The following GABRA4 variants were observed in gnomAD, a reference collection of about 807,000 sequenced individuals.
GABRA4 encodes the protein gamma-aminobutyric acid type A receptor subunit alpha4.
GABRA4 carries 12 observed loss-of-function variants against 49.7 expected under a neutral mutation model. The observed-to-expected ratio is 0.24, with a 90% CI of 0.15 to 0.39. The LOEUF (loss-of-function observed/expected upper bound fraction) is 0.39. Ranked by LOEUF, GABRA4 falls within the 10% of genes least tolerant of loss-of-function variation. GABRA4 has a pLI of 1.00. For synonymous variants in GABRA4, 288 were observed against 240.2 expected (o/e 1.20, Z -1.84); for missense variants, 506 against 686.0 (o/e 0.74, Z 2.93).
rs3215202 is a variant in GABRA4 at position 46,992,955 on chromosome 4, G to GAAA, written c.87-12_87-10dup. ...CTGGGGATTCGTTTAAACTGCAAGC[G>GAAA]AAAAAAAAAAAACCGGGGGCGGAGG... On this transcript the variant is annotated splice_polypyrimidine_tract_variant and intron_variant, in intron 1 of 8. Coordinates refer to ENST00000264318, the MANE Select transcript of GABRA4 (RefSeq NM_000809.4). 527 of 1,300,042 alleles carry GAAA rather than the reference G, an allele frequency of 4.1e-4. No individual in the cohort carries two copies. Among genetic ancestry groups the GAAA allele is most frequent in the Middle Eastern group, 7.9e-4 (4 of 5,092 alleles). 80.5% of individuals were successfully genotyped at this position (1,300,042 alleles called of 1,614,324 possible).
rs1464391414 is a variant in GABRA4 at position 46,927,563 on chromosome 4, G to T, written c.*662C>A. 2 of 152,382 alleles carry T rather than the reference G, an allele frequency of 1.3e-5. No individual in the cohort carries two copies. The highest frequency in any genetic ancestry group is 2.9e-5 in the Non-Finnish European group (2 of 67,960). 9.4% of individuals were successfully genotyped at this position (152,382 alleles called of 1,614,324 possible). On this transcript the variant is annotated 3_prime_UTR_variant, in exon 9 of 9. Transcript: ENST00000264318. ...TAACTGAATGAACTACCATGAAAAA[G>T]AATTCATACAATGAGTTAAACTTTG...
chr4:46,963,057 C>G (rs6858292), intron 8 of GABRA4, among the ~76,000 whole-genome samples: 21,848 of 151,592 alleles, frequency 0.14, 1,663 homozygotes, highest in South Asian at 0.25. Context: ...TTGAGTAATA[C>G]CTTAGAAGCA....
At position 46,956,234 on chromosome 4, in the gene GABRA4, C is replaced by T. The variant is rs373792626; in HGVS notation, c.1134+8736G>A. ...ATAAAATTTAAAGAATGTCACTAAACTCCTGTCATAAACACACCTAAATGT... is the reference window on the plus strand; with the variant it reads ...ATAAAATTTAAAGAATGTCACTAAATTCCTGTCATAAACACACCTAAATGT... On this transcript the variant is annotated intron_variant, in intron 8 of 8. Coordinates refer to ENST00000264318, the MANE Select transcript of GABRA4 (RefSeq NM_000809.4). 1.4e-4 allele frequency among the ~76,000 whole-genome samples: 22 copies of T among 152,168 alleles called. No homozygotes were observed. The East Asian group carries it at 1.6e-3, about 11-fold the overall frequency.
intron 2 of GABRA4, among the ~76,000 whole-genome samples, chr4:46,983,630 G>A (rs1429330909): frequency 2.0e-5 from 3 of 151,960 alleles, no homozygotes; most frequent in Non-Finnish European, 4.4e-5. Context: ...AATGTAATAG[G>A]CTTCTGATAA....
chr4:46,934,945 C>A (rs1440832109), intron 8 of GABRA4, among the ~76,000 whole-genome samples: 1 of 152,108 alleles, frequency 6.6e-6, no homozygotes, highest in Non-Finnish European at 1.5e-5. Context: ...GCCAACATAA[C>A]CCTGGAGAGA....
chr4:46,970,483 C>T (rs906480679), intron 7 of GABRA4, among the ~76,000 whole-genome samples: 1 of 151,280 alleles, frequency 6.6e-6, no homozygotes, highest in Non-Finnish European at 1.5e-5. Flanking sequence ...AACTCATATG[C>T]TCTGAACTTT....
intron 7 of GABRA4, among the ~76,000 whole-genome samples, chr4:46,967,648 C>T (rs1203260677): frequency 6.6e-6 from 1 of 151,644 alleles, no homozygotes; most frequent in African/African-American, 2.4e-5. Flanking sequence ...TCCATGCTTC[C>T]TCTGCATCCA....
At chr4:46,939,439 T>C (rs1238097641) in intron 8 of GABRA4, among the ~76,000 whole-genome samples, 1 of 151,996 alleles carries the variant, frequency 6.6e-6, no homozygotes, top group Non-Finnish European at 1.5e-5. Context: ...ACCCATGAGA[T>C]AGTACTAATG....
In GABRA4 at chr4:46,977,612, A is replaced by G; in HGVS notation, c.292T>C (p.Phe98Leu). 6.2e-7 allele frequency: 1 copy of G among 1,612,066 alleles called. No homozygotes were observed. The highest frequency in any genetic ancestry group is 8.5e-7 in the Non-Finnish European group (1 of 1,178,854). The change falls in exon 4 of 9, where the codon TTC becomes CTC. Residue 98 changes from phenylalanine (F) to leucine (L), a missense_variant. This residue lies in a region of GABRA4 where 195 missense variants were observed against 326.0 expected (regional missense o/e 0.60). Coordinates refer to ENST00000264318, the MANE Select transcript of GABRA4 (RefSeq NM_000809.4). ...TTGTCAATCCATGTCTGCCTGAAGA[A>G]CACATCCATTGTGTATTCCTAGGAC... ...DVEMEYTMDV[F>L]FRQTWIDKRL...
chr4:46,978,706 A>AAG (rs1252071354), intron 3 of GABRA4, among the ~76,000 whole-genome samples: 1 of 149,990 alleles, frequency 6.7e-6, no homozygotes, highest in Non-Finnish European at 1.5e-5. Context: ...AAAAAAAAAA[A>AAG]AAAAAAAGAA....
In GABRA4 at chr4:46,932,352, G is replaced by A. The variant is rs1011736853; in HGVS notation, c.1135-3597C>T. 2.0e-5 allele frequency among the ~76,000 whole-genome samples: 3 copies of A among 152,122 alleles called. No individual in the cohort carries two copies. In the East Asian group the frequency reaches 5.8e-4, roughly 29 times the overall value. ...CAGGTCACTGGAAGTCATACAGCAAGTTACTTACTTGGTGTCTGTTCTGCC... is the reference window on the plus strand; with the variant it reads ...CAGGTCACTGGAAGTCATACAGCAAATTACTTACTTGGTGTCTGTTCTGCC... On this transcript the variant is annotated intron_variant, in intron 8 of 8. Transcript: ENST00000264318.
rs534906688 is a variant in GABRA4, at chr4:46,966,458, C to T, written c.875-1229G>A. ...TTTGATTTGGAGAAAATAATATTGT[C>T]TCCTCAATTCAGAATTTTGTTGTAT... On this transcript the variant is annotated intron_variant, in intron 7 of 8. Coordinates refer to ENST00000264318, the MANE Select transcript of GABRA4 (RefSeq NM_000809.4). 4.6e-5 allele frequency among the ~76,000 whole-genome samples: 7 copies of T among 151,844 alleles called. No individual in the cohort carries two copies. The South Asian group carries it at 1.5e-3, about 31-fold the overall frequency.
intron 8 of GABRA4, among the ~76,000 whole-genome samples, chr4:46,962,834 G>T (rs867074186): frequency 6.6e-6 from 1 of 151,722 alleles, no homozygotes; most frequent in Non-Finnish European, 1.5e-5. Context: ...TTCAACACAG[G>T]TGCCAAGAAT....
chr4:46,925,515 C>A lies in GABRA4; in HGVS notation c.*2710G>T, dbSNP rs1464041996. The A allele has an allele frequency of 6.6e-6, 1 of 151,586 alleles. No individual in the cohort carries two copies. The highest frequency in any genetic ancestry group is 1.5e-5 in the Non-Finnish European group (1 of 67,728). The allele number at this position is 151,586 out of a possible 1,614,324, so 9.4% of individuals were successfully genotyped here. On this transcript the variant is annotated 3_prime_UTR_variant, in exon 9 of 9. Transcript: ENST00000264318. ...GGTACCATTCTCAGCCAAAATTATT[C>A]ATTATTATTCATAGATAACCAGAAC...
chr4:46,936,555 ACT>A (rs1242071387), intron 8 of GABRA4, among the ~76,000 whole-genome samples: 3 of 152,136 alleles, frequency 2.0e-5, no homozygotes, highest in African/African-American at 7.2e-5. Context: ...TGGCCAGATC[ACT>A]GTTTCTTTCT....
intron 8 of GABRA4, among the ~76,000 whole-genome samples, chr4:46,948,961 G>C (rs1452935593): frequency 1.3e-5 from 2 of 151,994 alleles, no homozygotes; most frequent in Non-Finnish European, 2.9e-5. Flanking sequence ...ACTATAGTCT[G>C]GTAACAAAAT....
Position 46,993,202 on chromosome 4 carries a change from T to C in GABRA4, c.86+137A>G, listed in dbSNP as rs1488287888. ...GCATCTATGCGGTCACAGAAAAGCC[T>C]GGCTTCGGCCCCTGCTCTTACAGCT... On this transcript the variant is annotated intron_variant, in intron 1 of 8. Coordinates refer to ENST00000264318, the MANE Select transcript of GABRA4 (RefSeq NM_000809.4). 11 of 817,924 alleles carry C rather than the reference T, an allele frequency of 1.3e-5. No homozygotes were observed. The Admixed American group carries it at 2.0e-4, about 15-fold the overall frequency. The allele number at this position is 817,924 out of a possible 1,614,324, so 50.7% of individuals were successfully genotyped here. A position where few individuals can be genotyped will look rare whatever the true frequency, so the allele number is the denominator to read the frequency against.
intron 7 of GABRA4, among the ~76,000 whole-genome samples, chr4:46,970,432 C>T (rs1480405027): frequency 6.6e-6 from 1 of 151,340 alleles, no homozygotes; most frequent in Non-Finnish European, 1.5e-5. Context: ...TATTTAAAAG[C>T]ATGACTGACA....
At chr4:46,991,573 G>A (rs1197071692) in intron 2 of GABRA4, among the ~76,000 whole-genome samples, 1 of 152,110 alleles carries the variant, frequency 6.6e-6, no homozygotes, top group East Asian at 1.9e-4. Flanking sequence ...TCAATAGGAG[G>A]TATAAAGTTG....
Sources: gnomAD v4.1 joint callset for allele counts (sites outside exome capture counted in the v4.1 genomes callset) on GRCh38, gnomAD v4.1.1 for gene constraint, gnomAD v4.1.1 regional missense constraint, MANE v1.5 for transcripts, NCBI Gene and HGNC (gene_info 2026-07-23, HGNC 2026-07-21) for gene names.